The following DACT1 variants were observed in gnomAD, a reference collection of about 807,000 sequenced individuals.
The protein encoded by DACT1 is dapper homolog 1.
Under a neutral mutation model 35.3 loss-of-function variants are expected in DACT1, and 19 were observed. That is an observed-to-expected ratio of 0.54 (90% CI 0.38 to 0.79). The LOEUF (loss-of-function observed/expected upper bound fraction) is 0.79. DACT1 is among the 30% of genes least tolerant of loss of function. The pLI, the probability that DACT1 is intolerant of heterozygous loss-of-function variation, is 0.00. For synonymous variants in DACT1, 545 were observed against 466.7 expected, an observed-to-expected ratio of 1.17 and a Z score of -2.16; for missense variants, 1,143 against 1,057.5, an observed-to-expected ratio of 1.08 and a Z score of -1.12.
upstream of DACT1, among the ~76,000 whole-genome samples, chr14:58,637,030 T>A (rs1431508281): frequency 1.3e-5 from 2 of 152,212 alleles, no homozygotes; most frequent in African/African-American, 4.8e-5. Context: ...CTGCATACTA[T>A]TATAATTCTT....
At position 58,648,243 on chromosome 14, in the gene DACT1, A is replaced by G. The variant is rs1330440616; in HGVS notation, c.*1109A>G. 1 of 167,112 alleles carries G rather than the reference A, an allele frequency of 6.0e-6. No homozygotes were observed. Among genetic ancestry groups the G allele is most frequent in the East Asian group, 1.9e-4 (1 of 5,204 alleles). The allele number at this position is 167,112 out of a possible 1,614,324, so 10.4% of individuals were successfully genotyped here. On this transcript the variant is annotated 3_prime_UTR_variant, in exon 4 of 4. Transcript: ENST00000395153. ...TATCATTGTGTAAATTTAATATAAC[A>G]TATGCAGTAATAAACCATTTGTTTT...
rs1002410963 is a variant in DACT1, at chr14:58,645,526, T to C, written c.792T>C (p.His264=). ...PLREEDRLGN[H]ASDICGGSEL... ...GGGAAGAGGACAGGCTTGGAAACCA[T>C]GCCAGTGACATTTGCGGTGGATCTG... The change falls in exon 4 of 4, where the codon CAT becomes CAC. Residue 264 remains histidine (H), a synonymous_variant. Coordinates refer to ENST00000395153, the MANE Select transcript of DACT1 (RefSeq NM_001079520.2). 8.1e-6 allele frequency: 13 copies of C among 1,614,196 alleles called. No individual in the cohort carries two copies. The highest frequency in any genetic ancestry group is 1.1e-5 in the Non-Finnish European group (13 of 1,180,024).
At chr14:58,639,410 C>A in intron 1 of DACT1, 2 of 401,584 alleles carry the variant, frequency 5.0e-6, no homozygotes, top group Non-Finnish European at 6.7e-6. Flanking sequence ...GCTTTGTTTT[C>A]AGTGACCTTA....
Position 58,645,495 on chromosome 14 carries a change from C to G in DACT1, c.761C>G (p.Pro254Arg). The G allele has an allele frequency of 6.2e-7, 1 of 1,614,200 alleles. No individual in the cohort carries two copies. The highest frequency in any genetic ancestry group is 8.5e-7 in the Non-Finnish European group (1 of 1,180,044). The change falls in exon 4 of 4, where the codon CCT (proline) becomes CGT (arginine). Residue 254 changes from proline (P) to arginine (R), a missense_variant. Physicochemically the swap from Pro to Arg is moderately radical, Grantham distance 103 (BLOSUM62 -2). Around this residue, in one of 3 missense-constraint regions of DACT1, gnomAD observed 1,054 missense variants for 958.8 expected, o/e 1.10. Transcript: ENST00000395153. Reference protein sequence around the residue: ...PMFLLCLTGNPLREEDRLGNH... With the variant: ...PMFLLCLTGNRLREEDRLGNH... ...TTTCTCCTTTGTCTGACGGGCAACCCTCTGAGGGAAGAGGACAGGCTTGGA... is the reference window on the plus strand; with the variant it reads ...TTTCTCCTTTGTCTGACGGGCAACCGTCTGAGGGAAGAGGACAGGCTTGGA...
chr14:58,646,136 C>A lies in DACT1; in HGVS notation c.1402C>A (p.Pro468Thr). 1 of 1,613,686 alleles carries A rather than the reference C, an allele frequency of 6.2e-7. No individual in the cohort carries two copies. The highest frequency in any genetic ancestry group is 8.5e-7 in the Non-Finnish European group (1 of 1,179,904). The change falls in exon 4 of 4, where the codon CCC (proline) becomes ACC (threonine). Residue 468 changes from proline to threonine, a missense_variant. This residue lies in a region of DACT1 where 1,054 missense variants were observed against 958.8 expected (regional missense o/e 1.10). Coordinates refer to ENST00000395153, the MANE Select transcript of DACT1 (RefSeq NM_001079520.2). ...APPQENKVVQ[P>T]LKKMSQKNSL... Reference sequence around the variant, plus strand: ...GCCGCAGGAGAACAAAGTTGTACAGCCCCTGAAAAAGATGTCACAGAAAAA... The same window carrying A: ...GCCGCAGGAGAACAAAGTTGTACAGACCCTGAAAAAGATGTCACAGAAAAA...
chr14:58,647,189 C>G lies in DACT1; in HGVS notation c.*55C>G. ...GTTTTTTTTTCTTCTCCCTAGTTGC[C>G]AAAATTAAAAAGGTGGTGTTTTCAT... On this transcript the variant is annotated 3_prime_UTR_variant, in exon 4 of 4. Coordinates refer to ENST00000395153, the MANE Select transcript of DACT1 (RefSeq NM_001079520.2). 6.4e-7 allele frequency: 1 copy of G among 1,566,028 alleles called. No homozygotes were observed. Among genetic ancestry groups the G allele is most frequent in the Non-Finnish European group, 8.6e-7 (1 of 1,160,460 alleles).
chr14:58,642,741 A>T (rs527786980), intron 3 of DACT1, among the ~76,000 whole-genome samples: 1 of 152,360 alleles, frequency 6.6e-6, no homozygotes, highest in Non-Finnish European at 1.5e-5. Context: ...TATGTCCATC[A>T]GCCTGGCCAA....
rs2047629883 is a variant in DACT1, at chr14:58,641,815, G to A, written c.634+68G>A. On this transcript the variant is annotated intron_variant, in intron 3 of 3. Transcript: ENST00000395153. ...ATCAAGGGCCCTTAAAAGGTTATTT[G>A]GCTCCAGCACCTTTCACTGGTGGAA... 8.7e-6 allele frequency: 13 copies of A among 1,497,230 alleles called. No homozygotes were observed. In the East Asian group the frequency reaches 2.9e-4, roughly 34 times the overall value. 92.7% of individuals were successfully genotyped at this position (1,497,230 alleles called of 1,614,324 possible). A position where few individuals can be genotyped will look rare whatever the true frequency, so the allele number is the denominator to read the frequency against.
At position 58,645,981 on chromosome 14, in the gene DACT1, CA is replaced by C; in HGVS notation, c.1252del (p.Thr418ArgfsTer52). On this transcript the variant is annotated frameshift_variant, in exon 4 of 4. Transcript: ENST00000395153. LOFTEE classifies it low-confidence loss of function (END_TRUNC). ...TCCGACCTTCAGAGTAAGCACCTGC[CA>C]AAAACGGCCAAGCCAGCCTCGCAAG... ...AASDLQSKHL[P>X]KTAKPASQEH... is the part of the protein sequence containing the mutation. 6.2e-7 allele frequency: 1 copy of C among 1,613,734 alleles called. No homozygotes were observed. The highest frequency in any genetic ancestry group is 8.5e-7 in the Non-Finnish European group (1 of 1,180,004).
chr14:58,646,278 C>T lies in DACT1; in HGVS notation c.1544C>T (p.Ala515Val), dbSNP rs1277357218. ...GGCTCTTCCCAAAGCCTGGAGGAAG[C>T]GCACCTGGTCAAGGCCCAGTTTATC... is the stretch of plus-strand genomic sequence containing the variant. ...SEGSSQSLEE[A>V]HLVKAQFIPG... is the part of the protein sequence containing the mutation. Residue 515 changes from alanine (A) to valine (V), a missense_variant, in exon 4 of 4, where the codon GCG becomes GTG. This residue lies in a region of DACT1 where 1,054 missense variants were observed against 958.8 expected (regional missense o/e 1.10). Transcript: ENST00000395153. 8 of 1,613,120 alleles carry T rather than the reference C, an allele frequency of 5.0e-6. No individual in the cohort carries two copies. Among genetic ancestry groups the T allele is most frequent in the Non-Finnish European group, 6.8e-6 (8 of 1,179,750 alleles).
At chr14:58,637,653 C>G (rs1183137905), upstream of DACT1, among the ~76,000 whole-genome samples, 1 of 152,202 alleles carries the variant, frequency 6.6e-6, no homozygotes, top group East Asian at 1.9e-4. Flanking sequence ...TGCTGGGGCT[C>G]CAGGCGCTCG....
At position 58,647,380 on chromosome 14, in the gene DACT1, G is replaced by A. The variant is rs1215801741; in HGVS notation, c.*246G>A. On this transcript the variant is annotated 3_prime_UTR_variant, in exon 4 of 4. Coordinates refer to ENST00000395153, the MANE Select transcript of DACT1 (RefSeq NM_001079520.2). ...TTTAATGGTGGTGATAGTGAGTTTT[G>A]TGGCACCAGCTGTTTTTTATTTTAA... 2.0e-6 allele frequency: 1 copy of A among 500,590 alleles called. No individual in the cohort carries two copies. Among genetic ancestry groups the A allele is most frequent in the Non-Finnish European group, 3.5e-6 (1 of 282,106 alleles). 31.0% of individuals were successfully genotyped at this position (500,590 alleles called of 1,614,324 possible).
In DACT1 at chr14:58,640,748, C is replaced by T; in HGVS notation, c.358C>T (p.Arg120Ter). ...TCTTCCTAATCAGAACTGTTTGAGG[C>T]GAAGAGATGCTGGTTTGTTGAATCA... ...LLRKQLNCLR[R>*]RDAGLLNQLQ... The change falls in exon 2 of 4, where the codon CGA (arginine) becomes TGA (stop). Residue 120 changes from arginine to a stop codon, truncating the protein, a stop_gained. Coordinates refer to ENST00000395153, the MANE Select transcript of DACT1 (RefSeq NM_001079520.2). LOFTEE classifies it high-confidence loss of function. 1 of 1,613,952 alleles carries T rather than the reference C, an allele frequency of 6.2e-7. No homozygotes were observed. The highest frequency in any genetic ancestry group is 8.5e-7 in the Non-Finnish European group (1 of 1,179,962).
rs2047589179 is a variant in DACT1 at position 58,638,038 on chromosome 14, C to T, written c.-165C>T. The T allele has an allele frequency of 4.7e-6, 3 of 641,980 alleles. No homozygotes were observed. Among genetic ancestry groups the T allele is most frequent in the Admixed American group, 4.8e-5 (1 of 20,864 alleles). The allele number at this position is 641,980 out of a possible 1,614,324, so 39.8% of individuals were successfully genotyped here. On this transcript the variant is annotated 5_prime_UTR_variant, in exon 1 of 4. Transcript: ENST00000395153. ...CTGCCCGGGCCGGGACAGCAGCAGCCGGCGGTCGCGCGCAGGACTCGAGGG... is the reference window on the plus strand; with the variant it reads ...CTGCCCGGGCCGGGACAGCAGCAGCTGGCGGTCGCGCGCAGGACTCGAGGG...
In DACT1 at chr14:58,645,744, G is replaced by A; in HGVS notation, c.1010G>A (p.Gly337Glu). ...ADPTKGLLRN[G>E]SVCVRAPGGV... ...CCCACGAAAGGGCTTCTGAGGAACGGGAGCGTTTGTGTCAGAGCCCCGGGC... is the reference window on the plus strand; with the variant it reads ...CCCACGAAAGGGCTTCTGAGGAACGAGAGCGTTTGTGTCAGAGCCCCGGGC... Residue 337 changes from glycine (G) to glutamate (E), a missense_variant, in exon 4 of 4, where the codon GGG becomes GAG. Physicochemically the swap from Gly to Glu is moderately conservative, Grantham distance 98 (BLOSUM62 -2). Coordinates refer to ENST00000395153, the MANE Select transcript of DACT1 (RefSeq NM_001079520.2). The A allele has an allele frequency of 6.2e-7, 1 of 1,614,240 alleles. No individual in the cohort carries two copies. Among genetic ancestry groups the A allele is most frequent in the Non-Finnish European group, 8.5e-7 (1 of 1,180,038 alleles).
At position 58,646,455 on chromosome 14, in the gene DACT1, A is replaced by C; in HGVS notation, c.1721A>C (p.Lys574Thr). Residue 574 changes from lysine (K) to threonine (T), a missense_variant, in exon 4 of 4, where the codon AAG becomes ACG. Around this residue, in one of 3 missense-constraint regions of DACT1, gnomAD observed 1,054 missense variants for 958.8 expected, o/e 1.10. Coordinates refer to ENST00000395153, the MANE Select transcript of DACT1 (RefSeq NM_001079520.2). ...VREKTRAGSK[K>T]CRFPDDLDTN... Reference sequence around the variant, plus strand: ...GAGAAAACGCGGGCCGGGAGCAAGAAGTGTCGCTTCCCAGATGACTTGGAT... The same window carrying C: ...GAGAAAACGCGGGCCGGGAGCAAGACGTGTCGCTTCCCAGATGACTTGGAT... The C allele has an allele frequency of 6.3e-7, 1 of 1,581,344 alleles. No homozygotes were observed. Among genetic ancestry groups the C allele is most frequent in the Admixed American group, 1.9e-5 (1 of 51,660 alleles).
Position 58,646,922 on chromosome 14 carries a change from G to C in DACT1, c.2188G>C (p.Val730Leu). 3 of 1,614,164 alleles carry C rather than the reference G, an allele frequency of 1.9e-6. No homozygotes were observed. The highest frequency in any genetic ancestry group is 2.5e-6 in the Non-Finnish European group (3 of 1,180,026). Residue 730 changes from valine (V) to leucine (L), a missense_variant, in exon 4 of 4, where the codon GTG becomes CTG. Val to Leu is a conservative substitution (Grantham distance 32). This residue lies in a region of DACT1 where 1,054 missense variants were observed against 958.8 expected (regional missense o/e 1.10). Transcript: ENST00000395153. Reference protein sequence around the residue: ...SESSVSEGEFVGESTTTSDSE... With the variant: ...SESSVSEGEFLGESTTTSDSE... ...GTCGAGTGTGAGCGAGGGCGAGTTC[G>C]TGGGGGAGAGCACAACCACCAGCGA...
intron 1 of DACT1, among the ~76,000 whole-genome samples, chr14:58,639,750 CTG>C (rs1351267289): frequency 1.3e-5 from 2 of 152,240 alleles, no homozygotes; most frequent in Non-Finnish European, 2.9e-5. Flanking sequence ...AGGATGTACA[CTG>C]TGGTTTGTGT....
intron 3 of DACT1, among the ~76,000 whole-genome samples, chr14:58,643,165 G>A (rs1389987179): frequency 6.6e-6 from 1 of 152,206 alleles, no homozygotes; most frequent in Non-Finnish European, 1.5e-5. Context: ...AGGGAATTCA[G>A]AAATTGTTGT....
Sources: allele counts gnomAD v4.1 joint callset (sites outside exome capture counted in the v4.1 genomes callset), GRCh38; gene constraint gnomAD v4.1.1; regional missense constraint gnomAD v4.1.1; transcripts MANE v1.5; gene names NCBI Gene and HGNC (gene_info 2026-07-23, HGNC 2026-07-21).